SULT2B1: variants seen among roughly 807,000 people sequenced by gnomAD.
SULT2B1 encodes the protein sulfotransferase family 2B member 1.
A neutral mutation model predicts 33.2 loss-of-function variants in SULT2B1; 16 were observed. The ratio of observed to expected loss-of-function variants is 0.48; its 90% CI spans 0.33 to 0.73. SULT2B1 has a LOEUF of 0.73. SULT2B1 is among the 30% of genes least tolerant of loss of function. The pLI is 0.02. For missense variants in SULT2B1, 500 were observed against 506.0 expected (o/e 0.99, Z 0.11); for synonymous variants, 186 against 200.5 (o/e 0.93, Z 0.61).
intron 1 of SULT2B1, among the ~76,000 whole-genome samples, chr19:48,568,285 C>CAAA (rs1325928170): frequency 1.5e-4 from 12 of 82,562 alleles, no homozygotes; most frequent in African/African-American, 3.7e-4. Flanking sequence ...GACTCCATCT[C>CAAA]AAAAAAAAAA....
intron 1 of SULT2B1, among the ~76,000 whole-genome samples, chr19:48,559,850 A>T (rs1055742253): frequency 2.1e-5 from 3 of 146,290 alleles, no homozygotes; most frequent in African/African-American, 8.3e-5. Flanking sequence ...GCCAGGTGCC[A>T]CAGCTCACGC....
At chr19:48,557,586 T>C (rs189072645) in intron 1 of SULT2B1, among the ~76,000 whole-genome samples, 1 of 151,722 alleles carries the variant, frequency 6.6e-6, no homozygotes, top group East Asian at 2.0e-4. Flanking sequence ...TGGTCTTGTA[T>C]GTAAAAAGGA....
intron 5 of SULT2B1, among the ~76,000 whole-genome samples, chr19:48,594,215 C>G (rs953449133): frequency 9.2e-5 from 14 of 151,968 alleles, no homozygotes; most frequent in Non-Finnish European, 1.9e-4. Flanking sequence ...GAGCCAAGAT[C>G]GCACCATTGC....
chr19:48,589,877 T>C (rs1236050804), intron 3 of SULT2B1, among the ~76,000 whole-genome samples: 1 of 152,222 alleles, frequency 6.6e-6, no homozygotes, highest in Non-Finnish European at 1.5e-5. Flanking sequence ...GGAAGATCAC[T>C]TGAGCCTGGG....
At chr19:48,554,280 AC>A (rs1265843133) in intron 1 of SULT2B1, among the ~76,000 whole-genome samples, 1 of 114,002 alleles carries the variant, frequency 8.8e-6, no homozygotes, top group Non-Finnish European at 1.8e-5. Context: ...CCCCTCCCAG[AC>A]CCCCTCAGAT....
At chr19:48,556,285 G>T (rs998701117) in intron 1 of SULT2B1, among the ~76,000 whole-genome samples, 1 of 152,160 alleles carries the variant, frequency 6.6e-6, no homozygotes, top group African/African-American at 2.4e-5. Context: ...CTGCCCCGTG[G>T]CACCAAAATA....
At chr19:48,569,125 A>C (rs1973282933) in intron 1 of SULT2B1, among the ~76,000 whole-genome samples, 1 of 149,900 alleles carries the variant, frequency 6.7e-6, no homozygotes. Context: ...GGCAGATCAC[A>C]AGGTCAGGAG....
intron 2 of SULT2B1, among the ~76,000 whole-genome samples, chr19:48,581,232 G>A (rs1289391833): frequency 2.7e-5 from 4 of 147,994 alleles, no homozygotes; most frequent in Admixed American, 6.8e-5. Flanking sequence ...TTAGTAGATC[G>A]GGGGTTTCTC....
intron 2 of SULT2B1, among the ~76,000 whole-genome samples, chr19:48,582,453 C>T (rs2544785): frequency 0.22 from 34,163 of 151,916 alleles, 4,946 homozygotes; most frequent in African/African-American, 0.42. Flanking sequence ...AACACACTTA[C>T]CTCTAGGACA....
chr19:48,599,326 G>C lies in SULT2B1; in HGVS notation c.1018G>C (p.Glu340Gln), dbSNP rs748181434. The C allele has an allele frequency of 2.5e-6, 4 of 1,602,588 alleles. No individual in the cohort carries two copies. Among genetic ancestry groups the C allele is most frequent in the East Asian group, 2.3e-5 (1 of 44,424 alleles). ...KPSLEPNTSL[E>Q]REPRPNSSPS... ...CAGCCTTGAGCCCAACACCAGCCTG[G>C]AGCGTGAGCCCAGACCCAACTCCAG... The change falls in exon 7 of 7, where the codon GAG (glutamate) becomes CAG (glutamine). Residue 340 changes from glutamate to glutamine, a missense_variant. Transcript: ENST00000201586. This position sits in a 1 kb window ranked among gnomAD's most constrained non-coding sequence, Gnocchi z 4.1.
intron 2 of SULT2B1, among the ~76,000 whole-genome samples, chr19:48,577,690 C>T (rs190952559): frequency 6.6e-6 from 1 of 152,008 alleles, no homozygotes; most frequent in African/African-American, 2.4e-5. Flanking sequence ...AGGGAAATAA[C>T]AAAAACTCTT....
chr19:48,567,128 G>A (rs139392944), intron 1 of SULT2B1, among the ~76,000 whole-genome samples: 170 of 152,118 alleles, frequency 1.1e-3, no homozygotes, highest in African/African-American at 3.9e-3. Context: ...CATTTACCCC[G>A]TCCCCTGTTG....
rs367706728 is a variant in SULT2B1 at position 48,587,233 on chromosome 19, G to A, written c.219G>A (p.Thr73=). ...CTGCTCGATTTCTCCCAACAGGCACGACCTGGATGATCGAGATCATCTGCT... is the reference window on the plus strand; with the variant it reads ...CTGCTCGATTTCTCCCAACAGGCACAACCTGGATGATCGAGATCATCTGCT... ...IFIITYPKSG[T]TWMIEIICLI... The change falls in exon 3 of 7, where the codon ACG becomes ACA. Residue 73 remains threonine, a synonymous_variant. Coordinates refer to ENST00000201586, the MANE Select transcript of SULT2B1 (RefSeq NM_177973.2). 6.8e-6 allele frequency: 11 copies of A among 1,609,706 alleles called. No individual in the cohort carries two copies. Among genetic ancestry groups the A allele is most frequent in the African/African-American group, 6.7e-5 (5 of 74,806 alleles).
intron 2 of SULT2B1, among the ~76,000 whole-genome samples, chr19:48,579,609 T>TTTC (rs1568409551): frequency 9.1e-5 from 2 of 22,078 alleles, no homozygotes; most frequent in Non-Finnish European, 1.2e-4. Context: ...TTCTTTCTTT[T>TTTC]TTTTTTTTTT....
chr19:48,588,589 A>C (rs1973598618), intron 3 of SULT2B1, among the ~76,000 whole-genome samples: 1 of 149,614 alleles, frequency 6.7e-6, no homozygotes, highest in Admixed American at 6.7e-5. Flanking sequence ...ATTATATTTA[A>C]TATTTATATG....
intron 1 of SULT2B1, among the ~76,000 whole-genome samples, chr19:48,570,382 T>C (rs1973304846): frequency 6.6e-6 from 1 of 152,098 alleles, no homozygotes; most frequent in Non-Finnish European, 1.5e-5. Flanking sequence ...TTTCGCCATG[T>C]TGGCCAGGCT....
chr19:48,562,056 G>A (rs935308960), intron 1 of SULT2B1, among the ~76,000 whole-genome samples: 1 of 152,138 alleles, frequency 6.6e-6, no homozygotes, highest in African/African-American at 2.4e-5. Context: ...TTTGAGATCA[G>A]CCTGACCAAC....
intron 1 of SULT2B1, among the ~76,000 whole-genome samples, chr19:48,559,139 G>C (rs550942528): frequency 3.9e-5 from 6 of 152,284 alleles, no homozygotes; most frequent in African/African-American, 1.4e-4. Context: ...TTGGGGAGAA[G>C]TGGAAAAAGA....
At chr19:48,598,983 G>C in intron 6 of SULT2B1, 152 bp from the exon 7 acceptor site, 1 of 1,365,552 alleles carries the variant, frequency 7.3e-7, no homozygotes, top group African/African-American at 1.5e-5. Flanking sequence ...GGACACAAAG[G>C]GGGCAATGTG....
Sources: gnomAD v4.1 joint callset for allele counts (sites outside exome capture counted in the v4.1 genomes callset) on GRCh38, gnomAD v4.1.1 for gene constraint, Gnocchi (gnomAD v3.1) non-coding constraint, MANE v1.5 for transcripts, NCBI Gene and HGNC (gene_info 2026-07-23, HGNC 2026-07-21) for gene names.